DIP2C: variants seen among roughly 807,000 people sequenced by gnomAD.
DIP2C encodes DIP2 acetate--CoA ligase C (putative).
In DIP2C, 33 loss-of-function variants were observed where a neutral mutation model predicts 192.4. The observed-to-expected ratio is 0.17, with a 90% CI of 0.13 to 0.23. The LOEUF (loss-of-function observed/expected upper bound fraction) is 0.23, where lower values mean the gene tolerates loss of function less well. Among genes scored for constraint, DIP2C ranks in the 10% least tolerant of loss-of-function variants. The pLI is 1.00. For synonymous variants in DIP2C, 979 were observed against 864.1 expected, an observed-to-expected ratio of 1.13 and a Z score of -2.33; for missense variants, 1,537 against 2,110.1, an observed-to-expected ratio of 0.73 and a Z score of 5.32.
intron 1 of DIP2C, among the ~76,000 whole-genome samples, chr10:541,624 C>G (rs1847993843): frequency 1.3e-5 from 2 of 150,628 alleles, no homozygotes; most frequent in South Asian, 4.2e-4. Flanking sequence ...ACCCATCTCT[C>G]CTGGACCCCA....
intron 1 of DIP2C, among the ~76,000 whole-genome samples, chr10:525,190 AATTTT>A (rs1472355672): frequency 2.6e-5 from 4 of 152,200 alleles, no homozygotes; most frequent in Non-Finnish European, 5.9e-5. Context: ...AAATGTACTT[AATTTT>A]ATCACATTTT....
At chr10:675,545 A>C (rs1830844877) in intron 1 of DIP2C, among the ~76,000 whole-genome samples, 1 of 152,136 alleles carries the variant, frequency 6.6e-6, no homozygotes, top group African/African-American at 2.4e-5. Flanking sequence ...ACTAAGAAAA[A>C]AAAAGAAATC....
At chr10:496,386 A>AACG (rs1844838419) in intron 1 of DIP2C, among the ~76,000 whole-genome samples, 1 of 124,922 alleles carries the variant, frequency 8.0e-6, no homozygotes, top group African/African-American at 3.2e-5. Flanking sequence ...TACCCCAAAC[A>AACG]TGAGTGCTGA....
intron 31 of DIP2C, among the ~76,000 whole-genome samples, chr10:316,356 G>T (rs141050199): frequency 2.6e-5 from 4 of 152,324 alleles, no homozygotes; most frequent in African/African-American, 9.6e-5. Flanking sequence ...CACTGACACT[G>T]GATGTCTTCT....
At chr10:623,712 A>G (rs1466396533) in intron 1 of DIP2C, among the ~76,000 whole-genome samples, 5 of 21,184 alleles carry the variant, frequency 2.4e-4, no homozygotes, top group Admixed American at 1.3e-3. Context: ...CCGAGGGCTG[A>G]GGGGAGGAGG....
At chr10:520,669 T>A (rs1387968102) in intron 1 of DIP2C, among the ~76,000 whole-genome samples, 2 of 152,208 alleles carry the variant, frequency 1.3e-5, no homozygotes, top group African/African-American at 4.8e-5. Context: ...TCCCAGAGCC[T>A]GCACTGGCCC....
At chr10:486,567 C>T (rs1036221686) in intron 1 of DIP2C, 37 bp from the exon 2 acceptor site, 13 of 1,553,522 alleles carry the variant, frequency 8.4e-6, no homozygotes, top group African/African-American at 1.4e-5. Flanking sequence ...GTATGGTCTC[C>T]GTGGATAGAG....
Position 568,329 on chromosome 10 carries a change from A to G in DIP2C, c.86-81799T>C, listed in dbSNP as rs79734844. ...GAGTGAAGATACCGACTCATGCGTGAAATCAGAGCTAGAGTTCTACCGTGG... is the reference window on the plus strand; with the variant it reads ...GAGTGAAGATACCGACTCATGCGTGGAATCAGAGCTAGAGTTCTACCGTGG... On this transcript the variant is annotated intron_variant, in intron 1 of 36. Transcript: ENST00000280886. Among the ~76,000 whole-genome samples, 737 of 152,310 alleles carry G rather than the reference A, an allele frequency of 4.8e-3. 5 individuals carry two copies. Among genetic ancestry groups the G allele is most frequent in the African/African-American group, 0.016 (683 of 41,560 alleles).
intron 4 of DIP2C, among the ~76,000 whole-genome samples, chr10:423,784 G>A (rs1315621240): frequency 6.6e-6 from 1 of 152,134 alleles, no homozygotes; most frequent in Non-Finnish European, 1.5e-5. Context: ...GATGGTAACA[G>A]GAGAGAAAGC....
chr10:282,244 T>G (rs1420733686), intron 35 of DIP2C: 1 of 152,328 alleles, frequency 6.6e-6, no homozygotes, highest in Non-Finnish European at 1.5e-5. Flanking sequence ...CTTCAGGGTA[T>G]CCCTGCTTCC....
intron 32 of DIP2C, among the ~76,000 whole-genome samples, chr10:297,795 C>A (rs533088677): frequency 1.3e-5 from 2 of 152,234 alleles, no homozygotes; most frequent in Non-Finnish European, 2.9e-5. Flanking sequence ...ATTCAAATAG[C>A]TAGGAGGAAG....
At chr10:437,329 G>A (rs987396344) in intron 4 of DIP2C, among the ~76,000 whole-genome samples, 1 of 146,376 alleles carries the variant, frequency 6.8e-6, no homozygotes, top group Admixed American at 6.9e-5. Context: ...TCCACCTCCT[G>A]GACATGGTAG....
chr10:379,162 C>T (rs1165360628), intron 17 of DIP2C, among the ~76,000 whole-genome samples: 2 of 129,522 alleles, frequency 1.5e-5, no homozygotes, highest in Non-Finnish European at 3.2e-5. Flanking sequence ...ATCGCCAGGG[C>T]TGCTGCTGGC....
At chr10:372,962 G>C (rs1262973729) in intron 17 of DIP2C, among the ~76,000 whole-genome samples, 1 of 152,252 alleles carries the variant, frequency 6.6e-6, no homozygotes, top group Non-Finnish European at 1.5e-5. Context: ...TACCCTCCGT[G>C]TGCCAAATGG....
At chr10:463,764 A>G (rs556917858) in intron 3 of DIP2C, among the ~76,000 whole-genome samples, 174 of 152,344 alleles carry the variant, frequency 1.1e-3, no homozygotes, top group African/African-American at 4.1e-3. Context: ...TACAGTAACC[A>G]AAACAGCATG....
chr10:605,976 G>A (rs1261641033), intron 1 of DIP2C, among the ~76,000 whole-genome samples: 3 of 152,152 alleles, frequency 2.0e-5, no homozygotes, highest in Non-Finnish European at 2.9e-5. Flanking sequence ...CTTGCGAGAC[G>A]TTCCCCCCCA....
At chr10:408,473 G>A (rs900092836) in intron 9 of DIP2C, among the ~76,000 whole-genome samples, 2 of 152,180 alleles carry the variant, frequency 1.3e-5, no homozygotes, top group African/African-American at 4.8e-5. Flanking sequence ...GCAATCTGTT[G>A]AACATGCCCA....
chr10:622,053 T>G (rs816609), intron 1 of DIP2C, among the ~76,000 whole-genome samples: 148,362 of 150,990 alleles, frequency 0.98, 72,943 homozygotes, highest in Middle Eastern at 1. Flanking sequence ...GACTGAGCAT[T>G]GAGCATTGTT....
In DIP2C at chr10:479,064, T is replaced by C. The variant is rs79830139; in HGVS notation, c.158-6515A>G. On this transcript the variant is annotated intron_variant, in intron 2 of 36. Transcript: ENST00000280886. ...AGTGAAACTGCCGGGGATTTTTCTG[T>C]ATTTTCAGGTCTGTCCCAGAGCAGT... Among the ~76,000 whole-genome samples the C allele has an allele frequency of 9.3e-3, 1,422 of 152,298 alleles. 27 individuals carry two copies. The highest frequency in any genetic ancestry group is 0.033 in the African/African-American group (1,372 of 41,552).
Sources: gnomAD v4.1 joint callset for allele counts (sites outside exome capture counted in the v4.1 genomes callset) on GRCh38, gnomAD v4.1.1 for gene constraint, MANE v1.5 for transcripts, NCBI Gene and HGNC (gene_info 2026-07-23, HGNC 2026-07-21) for gene names.